Variants in SYT2 observed in about 807,000 individuals in gnomAD.
SYT2 encodes the protein synaptotagmin 2.
SYT2 carries 15 observed loss-of-function variants against 39.9 expected under a neutral mutation model. The ratio of observed to expected loss-of-function variants is 0.38; its 90% CI spans 0.25 to 0.58. SYT2 has a LOEUF of 0.58. Among genes scored for constraint, SYT2 ranks in the 20% least tolerant of loss-of-function variants. The pLI is 0.70. For synonymous variants in SYT2, 181 were observed against 204.5 expected (o/e 0.89, Z 0.98); for missense variants, 389 against 530.3 (o/e 0.73, Z 2.62).
chr1:202,686,373 A>G (rs191635046), intron 1 of SYT2, among the ~76,000 whole-genome samples: 3 of 152,258 alleles, frequency 2.0e-5, no homozygotes, highest in Admixed American at 2.0e-4. Context: ...CCTTGCTGTC[A>G]CCTTCTTGCC....
At chr1:202,624,236 G>A (rs1024853903) in intron 1 of SYT2, among the ~76,000 whole-genome samples, 4 of 122,388 alleles carry the variant, frequency 3.3e-5, no homozygotes, top group Non-Finnish European at 4.9e-5. Context: ...TGTATGTGTA[G>A]TGTGTGTGAT....
At chr1:202,616,126 CCA>C (rs1185483154) in intron 1 of SYT2, among the ~76,000 whole-genome samples, 1 of 152,218 alleles carries the variant, frequency 6.6e-6, no homozygotes, top group African/African-American at 2.4e-5. Context: ...GCCTCCTCCT[CCA>C]GTTTCCGCAG....
chr1:202,643,980 C>CGATTTGCTTCGGGA (rs1692014115), intron 1 of SYT2, among the ~76,000 whole-genome samples: 1 of 152,052 alleles, frequency 6.6e-6, no homozygotes, highest in Admixed American at 6.5e-5. Context: ...GGGAGGGAAA[C>CGATTTGCTTCGGGA]GATTTGCTTC....
At chr1:202,615,416 G>A (rs1191019577) in intron 1 of SYT2, among the ~76,000 whole-genome samples, 1 of 152,032 alleles carries the variant, frequency 6.6e-6, no homozygotes, top group Non-Finnish European at 1.5e-5. Flanking sequence ...CATCCATGTG[G>A]GGTCACCCCC....
Position 202,601,323 on chromosome 1 carries a change from C to CA in SYT2, c.801+566dup, listed in dbSNP as rs1690497121. Reference sequence around the variant, plus strand: ...AAAGGATGTCTTAAGCTTCTCTACTCAGCCCTCCATCACTGCCTAGAGTGT... The same window carrying CA: ...AAAGGATGTCTTAAGCTTCTCTACTCAAGCCCTCCATCACTGCCTAGAGTGT... On this transcript the variant is annotated intron_variant, in intron 6 of 8. Coordinates refer to ENST00000367268, the MANE Select transcript of SYT2 (RefSeq NM_177402.5). This position sits in a 1 kb window ranked among gnomAD's most constrained non-coding sequence, Gnocchi z 4.0. Among the ~76,000 whole-genome samples the CA allele has an allele frequency of 6.6e-6, 1 of 152,260 alleles. No homozygotes were observed. Among genetic ancestry groups the CA allele is most frequent in the Non-Finnish European group, 1.5e-5 (1 of 68,044 alleles).
chr1:202,624,597 CTGTG>C (rs200440418), intron 1 of SYT2, among the ~76,000 whole-genome samples: 18 of 99,332 alleles, frequency 1.8e-4, no homozygotes, highest in East Asian at 9.8e-4. Context: ...TGTGTGGTAT[CTGTG>C]TGGTGTGTGT....
chr1:202,698,046 AG>A (rs1212406472), intron 1 of SYT2, among the ~76,000 whole-genome samples: 1 of 152,010 alleles, frequency 6.6e-6, no homozygotes, highest in Non-Finnish European at 1.5e-5. Flanking sequence ...GGGAGGGTGA[AG>A]GATCAGGGAT....
At chr1:202,676,691 C>A (rs375832122) in intron 1 of SYT2, among the ~76,000 whole-genome samples, 22 of 152,332 alleles carry the variant, frequency 1.4e-4, no homozygotes, top group African/African-American at 5.3e-4. Context: ...CTCCTCCTCA[C>A]TCCCTGGACC....
In SYT2 at chr1:202,599,490, G is replaced by T; in HGVS notation, c.920-139C>A. The T allele has an allele frequency of 1.0e-6, 1 of 1,000,640 alleles. No homozygotes were observed. The highest frequency in any genetic ancestry group is 1.4e-6 in the Non-Finnish European group (1 of 703,802). The allele number at this position is 1,000,640 out of a possible 1,614,324, so 62.0% of individuals were successfully genotyped here. A position where few individuals can be genotyped will look rare whatever the true frequency, so the allele number is the denominator to read the frequency against. On this transcript the variant is annotated intron_variant, in intron 7 of 8. Coordinates refer to ENST00000367268, the MANE Select transcript of SYT2 (RefSeq NM_177402.5). The surrounding 1 kb of genome is among the most constrained non-coding windows in gnomAD (Gnocchi z 4.4). ...AGACCAGGCCCTCAGAAAGCCCCAA[G>T]TCATGCCATCCAGTTCAAAGGTGGC...
chr1:202,605,405 T>G (rs1373033211), intron 2 of SYT2, 190 bp downstream of exon 2: 4 of 493,106 alleles, frequency 8.1e-6, no homozygotes, highest in Non-Finnish European at 1.5e-5. Context: ...TAAACCCCCT[T>G]GTTTGCCACA....
intron 1 of SYT2, among the ~76,000 whole-genome samples, chr1:202,679,031 A>G (rs746088204): frequency 2.0e-5 from 3 of 152,154 alleles, no homozygotes; most frequent in Admixed American, 6.5e-5. Context: ...TGCCTTGGCC[A>G]TGCAAGCATT....
chr1:202,664,938 C>T (rs763955365), intron 1 of SYT2, among the ~76,000 whole-genome samples: 2 of 152,178 alleles, frequency 1.3e-5, no homozygotes, highest in African/African-American at 4.8e-5. Flanking sequence ...GGATTACAGG[C>T]GTGAGCCACT....
chr1:202,661,371 G>A (rs1558452696), intron 1 of SYT2, among the ~76,000 whole-genome samples: 1 of 152,114 alleles, frequency 6.6e-6, no homozygotes, highest in East Asian at 1.9e-4. Flanking sequence ...CAGCCTAGAA[G>A]AGATGGATGG....
intron 1 of SYT2, among the ~76,000 whole-genome samples, chr1:202,647,831 C>A (rs147872189): frequency 6.6e-6 from 1 of 152,156 alleles, no homozygotes; most frequent in Non-Finnish European, 1.5e-5. Context: ...CTTCCCCCTC[C>A]TCCCTCCCCC....
chr1:202,605,436 C>A (rs1419084686), intron 2 of SYT2, 159 bp downstream of exon 2: 3 of 574,278 alleles, frequency 5.2e-6, no homozygotes, highest in Non-Finnish European at 9.0e-6. Context: ...ATCCTACTTC[C>A]CCCTCCCCGA....
Position 202,596,624 on chromosome 1 carries a change from A to T in SYT2, c.*133T>A. ...AGTTGGTCTTTAAAAAGAGAAAAAC[A>T]AGGAAAAACAAGGACACAACCACCC... On this transcript the variant is annotated 3_prime_UTR_variant, in exon 9 of 9. Coordinates refer to ENST00000367268, the MANE Select transcript of SYT2 (RefSeq NM_177402.5). The T allele has an allele frequency of 1.2e-6, 1 of 804,850 alleles. No individual in the cohort carries two copies. Among genetic ancestry groups the T allele is most frequent in the Non-Finnish European group, 1.8e-6 (1 of 554,322 alleles). 49.9% of individuals were successfully genotyped at this position (804,850 alleles called of 1,614,324 possible). A position where few individuals can be genotyped will look rare whatever the true frequency, so the allele number is the denominator to read the frequency against.
intron 1 of SYT2, among the ~76,000 whole-genome samples, chr1:202,609,795 CA>C (rs1690836487): frequency 6.6e-6 from 1 of 152,088 alleles, no homozygotes; most frequent in Non-Finnish European, 1.5e-5. Context: ...AGCCCTTTGT[CA>C]GATGAGTAGA....
intron 1 of SYT2, among the ~76,000 whole-genome samples, chr1:202,610,783 T>C (rs1349435826): frequency 3.9e-5 from 6 of 152,118 alleles, no homozygotes; most frequent in Non-Finnish European, 5.9e-5. Context: ...GAAGGACCTC[T>C]TCAAGGAGAA....
chr1:202,658,663 T>C (rs1572662660), intron 1 of SYT2, among the ~76,000 whole-genome samples: 1 of 87,432 alleles, frequency 1.1e-5, no homozygotes. Context: ...AGTGGTCGGA[T>C]TTTTTTTATT....
Sources: gnomAD v4.1 joint callset for allele counts (sites outside exome capture counted in the v4.1 genomes callset) on GRCh38, gnomAD v4.1.1 for gene constraint, Gnocchi (gnomAD v3.1) non-coding constraint, MANE v1.5 for transcripts, NCBI Gene and HGNC (gene_info 2026-07-23, HGNC 2026-07-21) for gene names.